Variants in NCOA3 observed in about 807,000 individuals in gnomAD.
The protein encoded by NCOA3 is CBP-interacting protein.
NCOA3 carries 51 observed loss-of-function variants against 158.8 expected under a neutral mutation model. That is an observed-to-expected ratio of 0.32 (90% CI 0.26 to 0.41). The LOEUF is 0.41. Ranked by LOEUF, NCOA3 falls within the 10% of genes least tolerant of loss-of-function variation. The pLI is 1.00. For synonymous variants in NCOA3, 537 were observed against 592.4 expected (o/e 0.91, Z 1.36); for missense variants, 1,510 against 1,746.6 (o/e 0.86, Z 2.41).
chr20:47,636,900 G>C, intron 12 of NCOA3, 138 bp downstream of exon 12: 1 of 797,704 alleles, frequency 1.3e-6, no homozygotes, highest in African/African-American at 1.7e-5. Flanking sequence ...AATTATTTTG[G>C]ATGTCAGTAA....
intron 2 of NCOA3, among the ~76,000 whole-genome samples, chr20:47,618,179 G>C (rs752112216): frequency 3.2e-4 from 49 of 152,066 alleles, no homozygotes; most frequent in Non-Finnish European, 5.3e-4. Context: ...AGGTTGCAGT[G>C]AACTGAGATC....
intron 2 of NCOA3, among the ~76,000 whole-genome samples, chr20:47,583,941 A>G (rs2085493124): frequency 6.6e-6 from 1 of 151,970 alleles, no homozygotes; most frequent in Admixed American, 6.6e-5. Flanking sequence ...GGGCAACAGA[A>G]TGAAACCCTG....
chr20:47,650,940 T>A (rs2086776229), intron 19 of NCOA3, 42 bp from the exon 20 acceptor site: 15 of 1,582,954 alleles, frequency 9.5e-6, no homozygotes, highest in Non-Finnish European at 1.3e-5. Context: ...ACTGGCAGGT[T>A]CTTGCTATAT....
At chr20:47,539,601 G>C (rs2084690029) in intron 1 of NCOA3, among the ~76,000 whole-genome samples, 1 of 152,184 alleles carries the variant, frequency 6.6e-6, no homozygotes, top group East Asian at 1.9e-4. Flanking sequence ...CTGTTCATAT[G>C]ATAGTTTATG....
intron 1 of NCOA3, among the ~76,000 whole-genome samples, chr20:47,502,949 C>A (rs1041758860): frequency 1.2e-4 from 18 of 152,090 alleles, no homozygotes; most frequent in Non-Finnish European, 2.5e-4. Flanking sequence ...CTATGAGATT[C>A]TCTCGAAGTC....
intron 12 of NCOA3, 69 bp from the exon 13 acceptor site, chr20:47,637,579 C>T: frequency 8.1e-7 from 1 of 1,235,094 alleles, no homozygotes; most frequent in Middle Eastern, 2.1e-4. Flanking sequence ...ATCATTTTTT[C>T]TGATGGGTAT....
rs768043213 is a variant in NCOA3 at position 47,647,386 on chromosome 20, T to A, written c.3546+20T>A. On this transcript the variant is annotated intron_variant, in intron 18 of 22. Coordinates refer to ENST00000371998, the MANE Select transcript of NCOA3 (RefSeq NM_181659.3). ...CAGCAGGTAACCAGTCATGTGTTCT[T>A]CCCTCTGGCTTCTCCTTCTGTTGTT... The A allele has an allele frequency of 3.7e-6, 6 of 1,604,878 alleles. No homozygotes were observed. Among genetic ancestry groups the A allele is most frequent in the Non-Finnish European group, 5.1e-6 (6 of 1,174,612 alleles).
chr20:47,526,694 A>G (rs3091741), intron 1 of NCOA3, among the ~76,000 whole-genome samples: 86,692 of 152,018 alleles, frequency 0.57, 25,173 homozygotes, highest in Middle Eastern at 0.7. Context: ...AGGTTGCAGT[A>G]AGCCGAGATG....
At chr20:47,632,827 C>T (rs749965266) in intron 8 of NCOA3, among the ~76,000 whole-genome samples, 4 of 150,636 alleles carry the variant, frequency 2.7e-5, no homozygotes, top group South Asian at 2.1e-4. Context: ...GGACTACAGG[C>T]GCACACTCCC....
chr20:47,651,379 CCT>C, intron 20 of NCOA3, 103 bp downstream of exon 20: 1 of 1,490,092 alleles, frequency 6.7e-7, no homozygotes, highest in Non-Finnish European at 8.9e-7. Flanking sequence ...CGATTCACTC[CCT>C]CTTTACTTCA....
At chr20:47,620,922 T>A (rs1309581118) in intron 2 of NCOA3, among the ~76,000 whole-genome samples, 1 of 152,212 alleles carries the variant, frequency 6.6e-6, no homozygotes, top group Admixed American at 6.5e-5. Context: ...TTACAGACTT[T>A]CTTTGTCTTT....
chr20:47,631,230 T>C (rs2086412431), intron 8 of NCOA3: 1 of 152,226 alleles, frequency 6.6e-6, no homozygotes, highest in South Asian at 2.1e-4. Flanking sequence ...GTTTCATCAT[T>C]ATGCAGATCA....
intron 1 of NCOA3, among the ~76,000 whole-genome samples, chr20:47,529,879 A>T (rs1322362018): frequency 6.6e-6 from 1 of 152,252 alleles, no homozygotes; most frequent in Non-Finnish European, 1.5e-5. Context: ...CTTTTAAAAA[A>T]ACTTAATTTC....
intron 4 of NCOA3, among the ~76,000 whole-genome samples, 170 bp downstream of exon 4, chr20:47,624,253 T>C (rs2086286907): frequency 6.6e-6 from 1 of 152,196 alleles, no homozygotes; most frequent in African/African-American, 2.4e-5. Flanking sequence ...TATGGTTACA[T>C]TGTAACATAT....
rs778444253 is a variant in NCOA3 at position 47,635,596 on chromosome 20, A to C, written c.1387A>C (p.Met463Leu). ...CCAGAACAACAACTATGGGCTCAAC[A>C]TGAGTAGCCCCCCACATGGGAGTCC... ...SYQNNNYGLN[M>L]SSPPHGSPGL... The change falls in exon 11 of 23, where the codon ATG becomes CTG. Residue 463 changes from methionine (M) to leucine (L), a missense_variant. Coordinates refer to ENST00000371998, the MANE Select transcript of NCOA3 (RefSeq NM_181659.3). 3 of 1,614,042 alleles carry C rather than the reference A, an allele frequency of 1.9e-6. No homozygotes were observed. The African/African-American group carries it at 4.0e-5, about 22-fold the overall frequency.
At chr20:47,524,077 A>AGT (rs1294859704) in intron 1 of NCOA3, among the ~76,000 whole-genome samples, 1 of 152,268 alleles carries the variant, frequency 6.6e-6, no homozygotes, top group East Asian at 1.9e-4. Context: ...TTTTCCTGTC[A>AGT]GTGGGACAAT....
At chr20:47,611,621 G>A (rs879634719) in intron 2 of NCOA3, among the ~76,000 whole-genome samples, 2 of 151,956 alleles carry the variant, frequency 1.3e-5, no homozygotes, top group Admixed American at 1.3e-4. Context: ...GCGAAACCCC[G>A]ACTCTACTAA....
chr20:47,564,517 C>G (rs1176562655), intron 1 of NCOA3, among the ~76,000 whole-genome samples: 1 of 151,142 alleles, frequency 6.6e-6, no homozygotes, highest in Non-Finnish European at 1.5e-5. Context: ...TTTATATTCC[C>G]CTATTGATGG....
At chr20:47,564,443 G>T (rs181642213) in intron 1 of NCOA3, among the ~76,000 whole-genome samples, 16 of 152,024 alleles carry the variant, frequency 1.1e-4, no homozygotes, top group Non-Finnish European at 1.6e-4. Context: ...AGTTACTGGG[G>T]ATATATTCAA....
Sources: gnomAD v4.1 joint callset for allele counts (sites outside exome capture counted in the v4.1 genomes callset) on GRCh38, gnomAD v4.1.1 for gene constraint, MANE v1.5 for transcripts, NCBI Gene and HGNC (gene_info 2026-07-23, HGNC 2026-07-21) for gene names.